The following AIPL1 variants were observed in gnomAD, a reference collection of about 807,000 sequenced individuals.
AIPL1 encodes AIP like 1 HSP90 co-chaperone.
Under a neutral mutation model 32.9 loss-of-function variants are expected in AIPL1, and 23 were observed. The observed-to-expected ratio is 0.70, with a 90% CI of 0.50 to 0.99. The LOEUF (loss-of-function observed/expected upper bound fraction) is 0.99, where lower values mean the gene tolerates loss of function less well. AIPL1 is among the 50% of genes least tolerant of loss of function. The pLI is 0.00. For missense variants in AIPL1, 485 were observed against 506.0 expected (o/e 0.96, Z 0.40); for synonymous variants, 210 against 209.4 (o/e 1.00, Z -0.02).
intron 3 of AIPL1, among the ~76,000 whole-genome samples, chr17:6,427,505 A>G (rs1358267826): frequency 6.6e-6 from 1 of 152,150 alleles, no homozygotes; most frequent in Non-Finnish European, 1.5e-5. Context: ...ATTCACCCAC[A>G]TAGCTCTCAG....
intron 5 of AIPL1, 181 bp downstream of exon 5, chr17:6,426,429 CCCGCG>C: frequency 6.9e-7 from 1 of 1,455,986 alleles, no homozygotes; most frequent in Non-Finnish European, 9.0e-7. Context: ...AAAGGGCCGC[CCCGCG>C]CCAAGCACTG....
Position 6,428,369 on chromosome 17 carries a change from G to A in AIPL1, c.414C>T (p.Asp138=), listed in dbSNP as rs565896898. 4.7e-5 allele frequency: 76 copies of A among 1,612,124 alleles called. No individual in the cohort carries two copies. Among genetic ancestry groups the A allele is most frequent in the East Asian group, 1.3e-4 (6 of 44,876 alleles). The change falls in exon 3 of 6, where the codon GAC becomes GAT. Residue 138 remains aspartate (D), a synonymous_variant. Transcript: ENST00000381129. The part of the protein sequence containing the change: ...AYHTLGYEDL[D]ELQKEPQPLV... Reference sequence around the variant, plus strand: ...GAGGCTGAGGCTCCTTCTGCAGCTCGTCCAGGTCCTCGTAGCCCAGCGTGT... The same window carrying A: ...GAGGCTGAGGCTCCTTCTGCAGCTCATCCAGGTCCTCGTAGCCCAGCGTGT...
At chr17:6,434,848 CT>C (rs1156577753) in intron 1 of AIPL1, 160 bp downstream of exon 1, 26 of 1,340,198 alleles carry the variant, frequency 1.9e-5, no homozygotes, top group Non-Finnish European at 2.5e-5. Context: ...AAAATGCCCC[CT>C]GAATGGGTAA....
At chr17:6,434,741 C>T (rs1913002062) in intron 1 of AIPL1, among the ~76,000 whole-genome samples, 1 of 152,184 alleles carries the variant, frequency 6.6e-6, no homozygotes, top group Admixed American at 6.5e-5. Context: ...CAAGACTCCT[C>T]GGACTCCCTT....
chr17:6,428,644 G>A (rs988070366), intron 2 of AIPL1, 138 bp from the exon 3 acceptor site: 1 of 813,402 alleles, frequency 1.2e-6, no homozygotes, highest in African/African-American at 1.7e-5. Context: ...GTGGTTAACT[G>A]TGTGCCAGGC....
At position 6,428,594 on chromosome 17, in the gene AIPL1, G is replaced by A. The variant is rs75839062; in HGVS notation, c.277-88C>T. On this transcript the variant is annotated intron_variant, in intron 2 of 5. Coordinates refer to ENST00000381129, the MANE Select transcript of AIPL1 (RefSeq NM_014336.5). ...AGGCCTCCACTCAGAGCCCCTCCTG[G>A]GAGGAATCCTGCTCCCTCACTATGC... The A allele has an allele frequency of 4.3e-3, 5,485 of 1,281,032 alleles. 173 individuals carry two copies. The African/African-American group carries it at 0.069, about 16-fold the overall frequency. The allele number at this position is 1,281,032 out of a possible 1,614,324, so 79.4% of individuals were successfully genotyped here.
In AIPL1 at chr17:6,434,724, C is replaced by A. The variant is rs1158116899; in HGVS notation, c.96+285G>T. On this transcript the variant is annotated intron_variant, in intron 1 of 5. Transcript: ENST00000381129. Reference sequence around the variant, plus strand: ...GGGAAGCCTAACAGACATTTGGGGACAAATACCAAGACTCCTCGGACTCCC... The same window carrying A: ...GGGAAGCCTAACAGACATTTGGGGAAAAATACCAAGACTCCTCGGACTCCC... Among the ~76,000 whole-genome samples, 3 of 152,282 alleles carry A rather than the reference C, an allele frequency of 2.0e-5. No homozygotes were observed. In the East Asian group the frequency reaches 5.8e-4, roughly 30 times the overall value.
chr17:6,428,068 C>T (rs1469998330), intron 3 of AIPL1, among the ~76,000 whole-genome samples: 1 of 142,258 alleles, frequency 7.0e-6, no homozygotes, highest in African/African-American at 2.6e-5. Context: ...GATCCAACCC[C>T]CTCGGCCTCC....
In AIPL1 at chr17:6,426,953, C is replaced by T; in HGVS notation, c.570G>A (p.Lys190=). The T allele has an allele frequency of 6.2e-7, 1 of 1,614,234 alleles. No homozygotes were observed. The highest frequency in any genetic ancestry group is 8.5e-7 in the Non-Finnish European group (1 of 1,180,048). Residue 190 remains lysine (K), a synonymous_variant, in exon 4 of 6, where the codon AAG becomes AAA. Coordinates refer to ENST00000381129, the MANE Select transcript of AIPL1 (RefSeq NM_014336.5). ...VLHGEGNRLF[K]LGRYEEASSK... ...AAGAGGCCTCCTCGTAGCGGCCCAG[C>T]TTGAAGAGCCGATTTCCCTCTCCGT... is the stretch of plus-strand genomic sequence containing the variant.
Position 6,425,347 on chromosome 17 carries a change from A to G in AIPL1, c.*113T>C, listed in dbSNP as rs1191270070. On this transcript the variant is annotated 3_prime_UTR_variant, in exon 6 of 6. Transcript: ENST00000381129. Reference sequence around the variant, plus strand: ...TTTACCATGGGTGTGTCTGACTTTGATTTCAAAAATTAATTTTAAATTTTA... The same window carrying G: ...TTTACCATGGGTGTGTCTGACTTTGGTTTCAAAAATTAATTTTAAATTTTA... The G allele has an allele frequency of 9.7e-6, 12 of 1,235,208 alleles. No individual in the cohort carries two copies. Among genetic ancestry groups the G allele is most frequent in the Middle Eastern group, 2.9e-4 (1 of 3,436 alleles). The allele number at this position is 1,235,208 out of a possible 1,614,324, so 76.5% of individuals were successfully genotyped here.
At chr17:6,427,509 C>T (rs1912115320) in intron 3 of AIPL1, among the ~76,000 whole-genome samples, 1 of 152,232 alleles carries the variant, frequency 6.6e-6, no homozygotes, top group Non-Finnish European at 1.5e-5. Context: ...ACCCACATAG[C>T]TCTCAGGCTG....
At chr17:6,430,010 G>A (rs1445598702) in intron 2 of AIPL1, among the ~76,000 whole-genome samples, 1 of 151,814 alleles carries the variant, frequency 6.6e-6, no homozygotes, top group Middle Eastern at 3.2e-3. Flanking sequence ...TGGATAAGAG[G>A]TGGATGTGCA....
chr17:6,426,582 C>A, intron 5 of AIPL1, 33 bp downstream of exon 5: 1 of 1,608,094 alleles, frequency 6.2e-7, no homozygotes, highest in Non-Finnish European at 8.5e-7. Context: ...GGCTGGGCGC[C>A]CCCTCACTGT....
At chr17:6,432,574 G>A (rs569386665) in intron 2 of AIPL1, among the ~76,000 whole-genome samples, 1 of 151,536 alleles carries the variant, frequency 6.6e-6, no homozygotes, top group African/African-American at 2.4e-5. Context: ...CGGCTTTAAG[G>A]AATTACTGGA....
chr17:6,434,282 C>A (rs1462875386), intron 1 of AIPL1, among the ~76,000 whole-genome samples, 184 bp from the exon 2 acceptor site: 1 of 151,894 alleles, frequency 6.6e-6, no homozygotes, highest in Non-Finnish European at 1.5e-5. Context: ...AGGGACCCAC[C>A]CCTCCCTACA....
At chr17:6,434,162 C>A in intron 1 of AIPL1, 64 bp from the exon 2 acceptor site, 2 of 1,570,154 alleles carry the variant, frequency 1.3e-6, no homozygotes, top group East Asian at 2.3e-5. Context: ...GAAGCCACCC[C>A]CTTGCCACCG....
intron 2 of AIPL1, among the ~76,000 whole-genome samples, chr17:6,433,550 T>A (rs374454943): frequency 3.3e-5 from 5 of 150,670 alleles, no homozygotes; most frequent in East Asian, 2.0e-4. Flanking sequence ...ATAATTACGC[T>A]ACTGCACTCC....
At position 6,433,949 on chromosome 17, in the gene AIPL1, G is replaced by A. The variant is rs758868216; in HGVS notation, c.246C>T (p.His82=). The change falls in exon 2 of 6, where the codon CAC becomes CAT. Residue 82 remains histidine, a synonymous_variant. Transcript: ENST00000381129. ...TGTCGCACCAGAACTCGGCCACCTC[G>A]TGCACCCGCATGGAGGTAAGCAGGA... is the stretch of plus-strand genomic sequence containing the variant. ...WEILLTSMRV[H]EVAEFWCDTI... The A allele has an allele frequency of 1.9e-6, 3 of 1,612,122 alleles. No individual in the cohort carries two copies. Among genetic ancestry groups the A allele is most frequent in the South Asian group, 2.2e-5 (2 of 91,046 alleles).
intron 5 of AIPL1, 37 bp downstream of exon 5, chr17:6,426,578 G>A: frequency 1.2e-6 from 2 of 1,604,762 alleles, no homozygotes; most frequent in Non-Finnish European, 1.7e-6. Flanking sequence ...CCTGGGCTGG[G>A]CGCCCCCTCA....
Sources: allele counts gnomAD v4.1 joint callset (sites outside exome capture counted in the v4.1 genomes callset), GRCh38; gene constraint gnomAD v4.1.1; transcripts MANE v1.5; gene names NCBI Gene and HGNC (gene_info 2026-07-23, HGNC 2026-07-21).